BCAR3: variants seen among roughly 807,000 people sequenced by gnomAD.
The protein encoded by BCAR3 is breast cancer anti-estrogen resistance protein 3.
A neutral mutation model predicts 80.1 loss-of-function variants in BCAR3; 37 were observed. The ratio of observed to expected loss-of-function variants is 0.46; its 90% CI spans 0.36 to 0.61. The LOEUF (loss-of-function observed/expected upper bound fraction) is 0.61, where lower values mean the gene tolerates loss of function less well. Ranked by LOEUF, BCAR3 falls within the 20% of genes least tolerant of loss-of-function variation. The probability of loss-of-function intolerance (pLI) is 0.00; values close to 1 mark genes in which losing one functional copy is unlikely to be tolerated. For synonymous variants in BCAR3, 389 were observed against 418.9 expected (o/e 0.93, Z 0.87); for missense variants, 978 against 1,068.2 (o/e 0.92, Z 1.18).
intron 2 of BCAR3, among the ~76,000 whole-genome samples, chr1:93,829,544 G>A (rs1654485115): frequency 6.6e-6 from 1 of 151,410 alleles, no homozygotes; most frequent in African/African-American, 2.4e-5. Context: ...ATTCCACCGA[G>A]AACTCCCACC....
intron 2 of BCAR3, among the ~76,000 whole-genome samples, chr1:93,670,266 C>G (rs1363548659): frequency 1.3e-5 from 2 of 152,094 alleles, no homozygotes; most frequent in Non-Finnish European, 2.9e-5. Flanking sequence ...TTAAGAGCTC[C>G]CTGGCTTCTG....
At chr1:93,786,713 G>A (rs1652961060) in intron 2 of BCAR3, among the ~76,000 whole-genome samples, 1 of 149,900 alleles carries the variant, frequency 6.7e-6, no homozygotes, top group South Asian at 2.1e-4. Context: ...AAAAGGAAAA[G>A]GTGTTTTCCT....
chr1:93,599,552 T>C (rs985518408), intron 3 of BCAR3: 6 of 144,664 alleles, frequency 4.1e-5, no homozygotes, highest in Admixed American at 2.0e-4. Flanking sequence ...AGGCAACAGG[T>C]ATATAAAAAG....
intron 2 of BCAR3, among the ~76,000 whole-genome samples, chr1:93,730,192 T>C (rs1191945884): frequency 6.6e-6 from 1 of 152,166 alleles, no homozygotes. Flanking sequence ...CTTTTCTCCT[T>C]GGAAGCCCTC....
intron 2 of BCAR3, among the ~76,000 whole-genome samples, chr1:93,837,599 T>C (rs1198399013): frequency 1.3e-5 from 2 of 152,224 alleles, no homozygotes; most frequent in African/African-American, 4.8e-5. Flanking sequence ...CCAGGATCCA[T>C]CTTGTTGCAG....
At chr1:93,708,553 A>G (rs1649905627) in intron 2 of BCAR3, among the ~76,000 whole-genome samples, 1 of 152,220 alleles carries the variant, frequency 6.6e-6, no homozygotes, top group African/African-American at 2.4e-5. Flanking sequence ...ACTCTCAGAA[A>G]AGGAGAAGAT....
intron 2 of BCAR3, among the ~76,000 whole-genome samples, chr1:93,807,310 T>C (rs1368499471): frequency 6.6e-6 from 1 of 151,738 alleles, no homozygotes. Context: ...GGGGAAAAAA[T>C]TATTTAACAT....
At chr1:93,808,044 A>C (rs6696446) in intron 2 of BCAR3, among the ~76,000 whole-genome samples, 6 of 142,712 alleles carry the variant, frequency 4.2e-5, no homozygotes, top group Non-Finnish European at 7.6e-5. Flanking sequence ...TTTTTTTTTA[A>C]AAAAAAAAAA....
intron 2 of BCAR3, among the ~76,000 whole-genome samples, chr1:93,662,629 C>G (rs560198310): frequency 5.2e-4 from 79 of 152,222 alleles, no homozygotes; most frequent in African/African-American, 1.8e-3. Context: ...TATCATCTAG[C>G]CTGAATTTTC....
chr1:93,607,465 G>A (rs543906247), intron 3 of BCAR3, among the ~76,000 whole-genome samples: 181 of 152,146 alleles, frequency 1.2e-3, no homozygotes, highest in Middle Eastern at 3.4e-3. Flanking sequence ...AGGACAGATG[G>A]GAGGCTTCAG....
At chr1:93,816,117 C>CT (rs1203325673) in intron 2 of BCAR3, among the ~76,000 whole-genome samples, 4 of 152,174 alleles carry the variant, frequency 2.6e-5, no homozygotes, top group Non-Finnish European at 5.9e-5. Context: ...AGAGTGAGGA[C>CT]TATGCTGTCT....
At chr1:93,609,193 T>C (rs183573670) in intron 3 of BCAR3, among the ~76,000 whole-genome samples, 47 of 152,104 alleles carry the variant, frequency 3.1e-4, no homozygotes, top group African/African-American at 8.4e-4. Context: ...TTTTTCAGGG[T>C]AGGGGAAATG....
At chr1:93,646,032 CTATG>C (rs1183800640) in intron 2 of BCAR3, among the ~76,000 whole-genome samples, 1 of 151,952 alleles carries the variant, frequency 6.6e-6, no homozygotes, top group Non-Finnish European at 1.5e-5. Context: ...CTAAATACCT[CTATG>C]TATTTATACA....
intron 3 of BCAR3, among the ~76,000 whole-genome samples, chr1:93,687,016 C>T (rs1417294535): frequency 6.6e-6 from 1 of 152,206 alleles, no homozygotes; most frequent in African/African-American, 2.4e-5. Context: ...TTGTCACAGC[C>T]AGTAATTATT....
chr1:93,766,867 G>T (rs1371087695), intron 2 of BCAR3, among the ~76,000 whole-genome samples: 2 of 152,164 alleles, frequency 1.3e-5, no homozygotes, highest in Admixed American at 6.5e-5. Flanking sequence ...TCGAAACAAA[G>T]AAACTTAGAC....
chr1:93,770,569 T>G lies in BCAR3; in HGVS notation c.-62-64427A>C, dbSNP rs376777972. Among the ~76,000 whole-genome samples the G allele has an allele frequency of 7.9e-4, 121 of 152,220 alleles. 6 individuals are homozygous for G. In the South Asian group the frequency reaches 0.025, roughly 31 times the overall value. On this transcript the variant is annotated intron_variant, in intron 2 of 13. Coordinates refer to the BCAR3 transcript ENST00000370244. ...TCAGGCAGGCATTGAGGGAGGAGTT[T>G]ATATATATAGGATGGCACATAACCT... is the stretch of plus-strand genomic sequence containing the variant.
intron 2 of BCAR3, among the ~76,000 whole-genome samples, chr1:93,717,506 C>T (rs1377582723): frequency 6.6e-6 from 1 of 151,972 alleles, no homozygotes; most frequent in African/African-American, 2.4e-5. Context: ...AGGCGGATTG[C>T]CTGAGGTCAG....
At chr1:93,646,449 A>T (rs1339220541) in intron 2 of BCAR3, 2 of 151,972 alleles carry the variant, frequency 1.3e-5, no homozygotes, top group Non-Finnish European at 2.9e-5. Flanking sequence ...CTAAAAATAC[A>T]AAATTAGCCT....
chr1:93,781,213 C>G (rs1216902998), intron 2 of BCAR3, among the ~76,000 whole-genome samples: 1 of 152,240 alleles, frequency 6.6e-6, no homozygotes, highest in East Asian at 1.9e-4. Flanking sequence ...TCCAGTAAAA[C>G]TCTATGGACA....
Sources: allele counts gnomAD v4.1 joint callset (sites outside exome capture counted in the v4.1 genomes callset), GRCh38; gene constraint gnomAD v4.1.1; transcripts MANE v1.5; gene names NCBI Gene and HGNC (gene_info 2026-07-23, HGNC 2026-07-21).